The following THADA variants were observed in gnomAD, a reference collection of about 807,000 sequenced individuals.
THADA encodes the protein THADA armadillo repeat containing, also known as tRNA (32-2'-O)-methyltransferase regulator THADA.
A neutral mutation model predicts 219.8 loss-of-function variants in THADA; 213 were observed. The observed-to-expected ratio is 0.97, with a 90% CI of 0.87 to 1.09. The LOEUF (loss-of-function observed/expected upper bound fraction) is 1.09, where lower values mean the gene tolerates loss of function less well. Ranked by LOEUF, THADA falls within the 50% of genes least tolerant of loss-of-function variation. THADA has a pLI of 0.00. For synonymous variants in THADA, 1,018 were observed against 828.9 expected, an observed-to-expected ratio of 1.23 and a Z score of -3.92; for missense variants, 2,956 against 2,311.3, an observed-to-expected ratio of 1.28 and a Z score of -5.72.
At chr2:43,324,333 A>G (rs1213057239) in intron 30 of THADA, among the ~76,000 whole-genome samples, 1 of 152,220 alleles carries the variant, frequency 6.6e-6, no homozygotes, top group Non-Finnish European at 1.5e-5. Flanking sequence ...ACACTTCAGG[A>G]ATCACTGACT....
At chr2:43,526,206 T>C (rs1262904286) in intron 22 of THADA, among the ~76,000 whole-genome samples, 1 of 152,362 alleles carries the variant, frequency 6.6e-6, no homozygotes, top group East Asian at 1.9e-4. Context: ...ATAAATGGAA[T>C]GAATATACAC....
intron 26 of THADA, among the ~76,000 whole-genome samples, chr2:43,442,297 GT>G (rs1558767531): frequency 1.3e-5 from 2 of 152,046 alleles, no homozygotes; most frequent in East Asian, 3.9e-4. Flanking sequence ...TTAGCTGGGC[GT>G]GGTGGTGCGT....
At chr2:43,238,037 T>A (rs1668230842) in intron 36 of THADA, among the ~76,000 whole-genome samples, 1 of 141,946 alleles carries the variant, frequency 7.0e-6, no homozygotes, top group Non-Finnish European at 1.5e-5. Flanking sequence ...GAGAGTTGCT[T>A]GAACCCAGGA....
chr2:43,381,920 A>G (rs1672083632), intron 29 of THADA, among the ~76,000 whole-genome samples: 1 of 152,128 alleles, frequency 6.6e-6, no homozygotes, highest in African/African-American at 2.4e-5. Context: ...GATAGCATGT[A>G]CCCTGGATAC....
intron 22 of THADA, among the ~76,000 whole-genome samples, chr2:43,520,156 TA>T (rs1248366600): frequency 6.6e-6 from 1 of 152,210 alleles, no homozygotes; most frequent in Non-Finnish European, 1.5e-5. Context: ...CAACTCTATG[TA>T]GTCACCAACC....
At chr2:43,286,620 G>A (rs1398896529) in intron 35 of THADA, among the ~76,000 whole-genome samples, 1 of 152,076 alleles carries the variant, frequency 6.6e-6, no homozygotes, top group Non-Finnish European at 1.5e-5. Context: ...GGCTACTCAG[G>A]AGACTGAGGC....
intron 36 of THADA, among the ~76,000 whole-genome samples, chr2:43,243,143 T>C (rs905879431): frequency 5.3e-5 from 8 of 152,182 alleles, no homozygotes; most frequent in African/African-American, 1.7e-4. Context: ...CCTCCCTGAC[T>C]TCCACTATTC....
chr2:43,467,271 G>GA (rs963735319), intron 26 of THADA, among the ~76,000 whole-genome samples: 1 of 145,954 alleles, frequency 6.9e-6, no homozygotes, highest in Non-Finnish European at 1.5e-5. Flanking sequence ...TATTTAACAA[G>GA]AAAAAAAACC....
At chr2:43,342,949 A>G (rs1019070346) in intron 30 of THADA, 2 of 152,218 alleles carry the variant, frequency 1.3e-5, no homozygotes, top group African/African-American at 4.8e-5. Flanking sequence ...AAAATAAAAA[A>G]GAGAGGCTTC....
At chr2:43,444,857 G>C (rs988549765) in intron 26 of THADA, among the ~76,000 whole-genome samples, 14 of 152,142 alleles carry the variant, frequency 9.2e-5, no homozygotes, top group African/African-American at 2.7e-4. Flanking sequence ...GCAAAGGCAA[G>C]CAAAGCCACC....
intron 26 of THADA, among the ~76,000 whole-genome samples, chr2:43,470,914 T>C (rs1177236929): frequency 1.3e-5 from 2 of 152,164 alleles, no homozygotes; most frequent in Non-Finnish European, 2.9e-5. Flanking sequence ...ATATTTGTTT[T>C]GAATATAAGG....
chr2:43,249,575 G>A (rs575324845), intron 36 of THADA, among the ~76,000 whole-genome samples: 5 of 152,106 alleles, frequency 3.3e-5, no homozygotes, highest in East Asian at 1.9e-4. Context: ...CTCTTTCTAC[G>A]TGGCTTCCCG....
intron 29 of THADA, among the ~76,000 whole-genome samples, chr2:43,352,232 A>C (rs1370049058): frequency 6.6e-6 from 1 of 152,228 alleles, no homozygotes; most frequent in Non-Finnish European, 1.5e-5. Context: ...TATCAAGATC[A>C]ACAAGAAACT....
intron 31 of THADA, among the ~76,000 whole-genome samples, chr2:43,310,274 G>A (rs954639929): frequency 3.9e-5 from 5 of 128,876 alleles, no homozygotes; most frequent in African/African-American, 1.2e-4. Flanking sequence ...AAAATGCAAG[G>A]AACCCAGAAT....
chr2:43,380,846 C>G (rs1357357510), intron 29 of THADA, among the ~76,000 whole-genome samples: 1 of 152,096 alleles, frequency 6.6e-6, no homozygotes, highest in Non-Finnish European at 1.5e-5. Context: ...CGCCTGTAAT[C>G]CCAGCACTTT....
chr2:43,435,797 AAAAG>A (rs1323947992), intron 26 of THADA, among the ~76,000 whole-genome samples: 6,487 of 148,174 alleles, frequency 0.044, 189 homozygotes, highest in Non-Finnish European at 0.067. Flanking sequence ...AAAAAAAAAA[AAAAG>A]AAAGAAAAGA....
At chr2:43,278,029 C>T (rs189063531) in intron 36 of THADA, among the ~76,000 whole-genome samples, 5 of 149,904 alleles carry the variant, frequency 3.3e-5, no homozygotes, top group South Asian at 2.1e-4. Context: ...CAGCTCACTG[C>T]GACCTATGCC....
chr2:43,319,451 C>T (rs1434715141), intron 31 of THADA, among the ~76,000 whole-genome samples: 2 of 152,126 alleles, frequency 1.3e-5, no homozygotes, highest in Non-Finnish European at 2.9e-5. Context: ...CTCTGCATGG[C>T]CACAGGGGTT....
At chr2:43,569,105 G>A (rs2103989786) in intron 14 of THADA, among the ~76,000 whole-genome samples, 1 of 152,116 alleles carries the variant, frequency 6.6e-6, no homozygotes, top group African/African-American at 2.4e-5. Flanking sequence ...CAGAGTATCT[G>A]GGAACACAGG....
Sources: allele counts gnomAD v4.1 joint callset (sites outside exome capture counted in the v4.1 genomes callset), GRCh38; gene constraint gnomAD v4.1.1; transcripts MANE v1.5; gene names NCBI Gene and HGNC (gene_info 2026-07-23, HGNC 2026-07-21).